TMOD4: variants seen among roughly 807,000 people sequenced by gnomAD.
TMOD4 encodes tropomodulin 4.
Under a neutral mutation model 45.4 loss-of-function variants are expected in TMOD4, and 34 were observed. The ratio of observed to expected loss-of-function variants is 0.75; its 90% CI spans 0.57 to 1.00. TMOD4 has a LOEUF of 1.00. TMOD4 is among the 50% of genes least tolerant of loss of function. The pLI is 0.00. For missense variants in TMOD4, 399 were observed against 437.5 expected (o/e 0.91, Z 0.78); for synonymous variants, 131 against 153.9 (o/e 0.85, Z 1.10).
At chr1:151,172,415 C>G in intron 4 of TMOD4, 58 bp from the exon 5 acceptor site, 1 of 1,336,356 alleles carries the variant, frequency 7.5e-7, no homozygotes, top group South Asian at 1.2e-5. Context: ...TCCAAGCCTC[C>G]CTCCTACCTA....
chr1:151,175,788 G>T (rs1237581021), intron 1 of TMOD4, 136 bp downstream of exon 1: 1 of 152,232 alleles, frequency 6.6e-6, no homozygotes, highest in Non-Finnish European at 1.5e-5. Context: ...TAAGGGGTAG[G>T]ACGGCACAGT....
At position 151,171,761 on chromosome 1, in the gene TMOD4, C is replaced by T. The variant is rs1254079661; in HGVS notation, c.490G>A (p.Val164Met). The change falls in exon 6 of 10, where the codon GTG becomes ATG. Residue 164 changes from valine to methionine, a missense_variant and splice_region_variant. Coordinates refer to ENST00000295314, the MANE Select transcript of TMOD4 (RefSeq NM_013353.3). ...EICNTEGISS[V>M]VQPDKYKPVP... Reference sequence around the variant, plus strand: ...GGCTTATACTTGTCAGGCTGTACCACACCTGGTGAATGAGGGCAGGAAGGG... The same window carrying T: ...GGCTTATACTTGTCAGGCTGTACCATACCTGGTGAATGAGGGCAGGAAGGG... The T allele has an allele frequency of 6.8e-6, 11 of 1,613,634 alleles. No homozygotes were observed. Among genetic ancestry groups the T allele is most frequent in the Admixed American group, 3.3e-5 (2 of 59,918 alleles).
At chr1:151,170,857 G>A (rs925032815) in intron 8 of TMOD4, 63 bp downstream of exon 8, 3 of 1,583,794 alleles carry the variant, frequency 1.9e-6, no homozygotes, top group African/African-American at 2.7e-5. Flanking sequence ...CTGCCCCACT[G>A]GCTGGCTCAG....
In TMOD4 at chr1:151,171,492, T is replaced by C; in HGVS notation, c.667A>G (p.Asn223Asp). 1 of 1,613,996 alleles carries C rather than the reference T, an allele frequency of 6.2e-7. No homozygotes were observed. The highest frequency in any genetic ancestry group is 8.5e-7 in the Non-Finnish European group (1 of 1,179,986). ...LSELCEAMKA[N>D]TYVRSFSLVA... is the part of the protein sequence containing the mutation. ...AGACTGAAGCTCCGCACATAGGTAT[T>C]TGCCTTCATTGCCTCACACAGCTCA... Residue 223 changes from asparagine to aspartate, a missense_variant, in exon 7 of 10, where the codon AAT (asparagine) becomes GAT (aspartate). Physicochemically the swap from Asn to Asp is conservative, Grantham distance 23 (BLOSUM62 1). Transcript: ENST00000295314.
At chr1:151,170,349 C>A in intron 9 of TMOD4, 170 bp downstream of exon 9, 1 of 1,036,530 alleles carries the variant, frequency 9.6e-7, no homozygotes, top group Non-Finnish European at 1.4e-6. Flanking sequence ...ATATTTGGGG[C>A]AGGGGGAGTT....
At chr1:151,170,823 T>C (rs1683929875) in intron 8 of TMOD4, 97 bp downstream of exon 8, 2 of 1,533,480 alleles carry the variant, frequency 1.3e-6, no homozygotes, top group Non-Finnish European at 8.8e-7. Flanking sequence ...AAGAGGAGAA[T>C]TCAAGCAAGA....
intron 1 of TMOD4, chr1:151,175,523 G>A (rs978650297): frequency 6.6e-6 from 1 of 152,240 alleles, no homozygotes; most frequent in African/African-American, 2.4e-5. Flanking sequence ...AGCAGTTGGG[G>A]GACTTCCAGG....
intron 2 of TMOD4, 30 bp downstream of exon 2, chr1:151,174,723 G>T (rs986424665): frequency 2.2e-5 from 36 of 1,612,974 alleles, no homozygotes; most frequent in Non-Finnish European, 3.0e-5. Flanking sequence ...GCCTGGGACT[G>T]CCTCTGGTTC....
chr1:151,173,849 CGGGT>C (rs1027486257), intron 3 of TMOD4, among the ~76,000 whole-genome samples: 2 of 151,790 alleles, frequency 1.3e-5, no homozygotes, highest in African/African-American at 4.8e-5. Flanking sequence ...GAGGCCGAGG[CGGGT>C]GGATCATGAG....
chr1:151,170,779 AGATGCT>A, intron 8 of TMOD4, 116 bp from the exon 9 acceptor site: 1 of 1,521,362 alleles, frequency 6.6e-7, no homozygotes. Flanking sequence ...GGGTGAAGAG[AGATGCT>A]GACTTGGCTT....
chr1:151,172,335 C>G lies in TMOD4; in HGVS notation c.420G>C (p.Leu140=). ...DIAAILDMYT[L]MSNKQYYDAL... ...CATCATAGTATTGCTTGTTACTCAT[C>G]AGTGTGTACATGTCCAGAATTGCTG... is the stretch of plus-strand genomic sequence containing the variant. Residue 140 remains leucine, a synonymous_variant, in exon 5 of 10, where the codon CTG becomes CTC. Transcript: ENST00000295314. 1.9e-6 allele frequency: 3 copies of G among 1,613,668 alleles called. No homozygotes were observed. The highest frequency in any genetic ancestry group is 2.5e-6 in the Non-Finnish European group (3 of 1,179,698).
rs1238641731 is a variant in TMOD4 at position 151,173,615 on chromosome 1, C to G, written c.281G>C (p.Gly94Ala). 57 of 1,612,446 alleles carry G rather than the reference C, an allele frequency of 3.5e-5. No homozygotes were observed. The highest frequency in any genetic ancestry group is 4.8e-5 in the Non-Finnish European group (56 of 1,178,650). The change falls in exon 4 of 10, where the codon GGG becomes GCG. Residue 94 changes from glycine (G) to alanine (A), a missense_variant and splice_region_variant. Physicochemically the swap from Gly to Ala is moderately conservative, Grantham distance 60. Transcript: ENST00000295314. Reference sequence around the variant, plus strand: ...CCTCTTGGGCTGAATATAGGGTTTCCCTGATGGGGAGATGAAGGATGGCTC... The same window carrying G: ...CCTCTTGGGCTGAATATAGGGTTTCGCTGATGGGGAGATGAAGGATGGCTC... Reference protein sequence around the residue: ...DLVPFTGEKKGKPYIQPKREI... With the variant: ...DLVPFTGEKKAKPYIQPKREI...
At chr1:151,173,411 G>T in intron 4 of TMOD4, 88 bp downstream of exon 4, 1 of 922,204 alleles carries the variant, frequency 1.1e-6, no homozygotes, top group Non-Finnish European at 1.8e-6. Context: ...CCACATTCTG[G>T]TTGAGGGCCT....
intron 1 of TMOD4, 23 bp from the exon 2 acceptor site, chr1:151,174,940 A>G: frequency 1.2e-6 from 2 of 1,600,864 alleles, no homozygotes; most frequent in East Asian, 4.5e-5. Flanking sequence ...GGACAAAAGG[A>G]TGGACAATGG....
rs777241819 is a variant in TMOD4 at position 151,174,477 on chromosome 1, C to T, written c.194G>A (p.Arg65Gln). 1.9e-5 allele frequency: 31 copies of T among 1,614,052 alleles called. No individual in the cohort carries two copies. The highest frequency in any genetic ancestry group is 2.4e-5 in the Non-Finnish European group (28 of 1,180,030). Residue 65 changes from arginine to glutamine, a missense_variant, in exon 3 of 10, where the codon CGA becomes CAA. By Grantham distance (43) the Arg-to-Gln change is conservative. Transcript: ENST00000295314. ...CTCCAAGTACTGCAAAAGGGCCTCT[C>T]GGTCCAGTGGCCCCGTTGGGCTCTT... is the stretch of plus-strand genomic sequence containing the variant. The part of the protein sequence containing the change: ...TKKSPTGPLD[R>Q]EALLQYLEQQ...
Position 151,170,665 on chromosome 1 carries a change from T to C in TMOD4, c.871-2A>G, listed in dbSNP as rs200701745. 22 of 1,613,868 alleles carry C rather than the reference T, an allele frequency of 1.4e-5. No homozygotes were observed. In the East Asian group the frequency reaches 4.9e-4, roughly 36 times the overall value. ...CACTGCATCACCAGGCCACTGGCGC[T>C]GGGGGAGGGAGAGGCAAAAGCTGAC... On this transcript the variant is annotated splice_acceptor_variant, in intron 8 of 9. Transcript: ENST00000295314. LOFTEE classifies it high-confidence loss of function.
Position 151,174,397 on chromosome 1 carries a change from T to C in TMOD4, c.274A>G (p.Lys92Glu). The change falls in exon 3 of 10, where the codon AAG (lysine) becomes GAG (glutamate). Residue 92 changes from lysine to glutamate, a missense_variant. By Grantham distance (56) the Lys-to-Glu change is moderately conservative (BLOSUM62 1). Coordinates refer to ENST00000295314, the MANE Select transcript of TMOD4 (RefSeq NM_013353.3). ...GATGTCAGGGTCCCCATACCCTTCT[T>C]CTCGCCTGTGAAGGGCACCAAGTCA... ...RDDLVPFTGE[K>E]KGKPYIQPKR... 6.2e-7 allele frequency: 1 copy of C among 1,614,064 alleles called. No individual in the cohort carries two copies. The highest frequency in any genetic ancestry group is 8.5e-7 in the Non-Finnish European group (1 of 1,179,974).
In TMOD4 at chr1:151,174,667, G is replaced by A. The variant is rs587775950; in HGVS notation, c.123+86C>T. 58 of 1,602,626 alleles carry A rather than the reference G, an allele frequency of 3.6e-5. No homozygotes were observed. The African/African-American group carries it at 6.4e-4, about 18-fold the overall frequency. ...CCTTCTTAGGACCCTAGGTCCTGTA[G>A]CAAACCCTATTCTCAGCCACCCAGA... is the stretch of plus-strand genomic sequence containing the variant. On this transcript the variant is annotated intron_variant, in intron 2 of 9. Transcript: ENST00000295314.
At chr1:151,170,715 C>A in intron 8 of TMOD4, 52 bp from the exon 9 acceptor site, 1 of 1,605,598 alleles carries the variant, frequency 6.2e-7, no homozygotes, top group South Asian at 1.1e-5. Context: ...GGCTGTTTAC[C>A]ATCCCACATC....
Sources: allele counts gnomAD v4.1 joint callset (sites outside exome capture counted in the v4.1 genomes callset), GRCh38; gene constraint gnomAD v4.1.1; transcripts MANE v1.5; gene names NCBI Gene and HGNC (gene_info 2026-07-23, HGNC 2026-07-21).